Variants in CFAP299 observed in about 807,000 individuals in gnomAD.
CFAP299 encodes the protein cilia- and flagella-associated protein 299.
CFAP299 carries 21 observed loss-of-function variants against 27.0 expected under a neutral mutation model. That is an observed-to-expected ratio of 0.78 (90% CI 0.55 to 1.12). The LOEUF (loss-of-function observed/expected upper bound fraction) is 1.12. Among genes scored for constraint, CFAP299 ranks in the 50% most tolerant of loss-of-function variants. The probability of loss-of-function intolerance (pLI) is 0.00; values close to 1 mark genes in which losing one functional copy is unlikely to be tolerated. For synonymous variants in CFAP299, 104 were observed against 98.1 expected (o/e 1.06, Z -0.36); for missense variants, 310 against 276.6 (o/e 1.12, Z -0.86).
intron 3 of CFAP299, among the ~76,000 whole-genome samples, chr4:80,706,980 A>G (rs561608798): frequency 1.3e-5 from 2 of 152,074 alleles, no homozygotes; most frequent in East Asian, 3.9e-4. Context: ...CACAATAGGG[A>G]ACACTGCCTC....
intron 3 of CFAP299, among the ~76,000 whole-genome samples, chr4:80,794,570 A>C (rs1231076547): frequency 6.6e-6 from 1 of 152,170 alleles, no homozygotes; most frequent in Non-Finnish European, 1.5e-5. Context: ...CAGCTGCTTC[A>C]GGATGATGGG....
At chr4:80,577,913 C>T (rs1248913961) in intron 2 of CFAP299, among the ~76,000 whole-genome samples, 1 of 152,024 alleles carries the variant, frequency 6.6e-6, no homozygotes, top group Non-Finnish European at 1.5e-5. Context: ...GAGTGTTAAG[C>T]TAATAATGTC....
chr4:80,707,446 A>G (rs73829106), intron 3 of CFAP299, among the ~76,000 whole-genome samples: 7,044 of 152,072 alleles, frequency 0.046, 573 homozygotes, highest in African/African-American at 0.16. Context: ...TGACAATGTT[A>G]AGAAACCACC....
At chr4:80,624,757 T>G (rs538044898) in intron 3 of CFAP299, among the ~76,000 whole-genome samples, 3 of 152,106 alleles carry the variant, frequency 2.0e-5, no homozygotes, top group African/African-American at 7.2e-5. Context: ...GAAAATTATG[T>G]ATAAAAATGT....
chr4:80,899,309 A>G (rs555001882), intron 4 of CFAP299, among the ~76,000 whole-genome samples: 10 of 152,352 alleles, frequency 6.6e-5, no homozygotes, highest in African/African-American at 2.4e-4. Flanking sequence ...TGTAGATACA[A>G]GCCTGAAAGT....
chr4:80,360,838 C>A (rs989539324), intron 1 of CFAP299, among the ~76,000 whole-genome samples: 2 of 152,152 alleles, frequency 1.3e-5, no homozygotes, highest in Non-Finnish European at 2.9e-5. Flanking sequence ...TGTTTGAGAC[C>A]TGCCAAGCCT....
intron 2 of CFAP299, among the ~76,000 whole-genome samples, chr4:80,403,555 C>T (rs1726266648): frequency 6.6e-6 from 1 of 152,138 alleles, no homozygotes; most frequent in Non-Finnish European, 1.5e-5. Context: ...GCTCTTCTGT[C>T]TGATCCATCA....
At chr4:80,344,866 T>C (rs1376241293) in intron 1 of CFAP299, among the ~76,000 whole-genome samples, 1 of 152,164 alleles carries the variant, frequency 6.6e-6, no homozygotes, top group African/African-American at 2.4e-5. Flanking sequence ...TAATTCATCA[T>C]ATAAACATAA....
intron 1 of CFAP299, among the ~76,000 whole-genome samples, chr4:80,341,040 T>A (rs1463253038): frequency 6.6e-6 from 1 of 152,222 alleles, no homozygotes; most frequent in Non-Finnish European, 1.5e-5. Flanking sequence ...CCTCCCAAAG[T>A]GCCAGGATTA....
chr4:80,633,521 C>T (rs532194016), intron 3 of CFAP299, among the ~76,000 whole-genome samples: 1 of 152,194 alleles, frequency 6.6e-6, no homozygotes, highest in African/African-American at 2.4e-5. Flanking sequence ...AACTTAAAAT[C>T]ACCATGGCAA....
chr4:80,784,751 G>A (rs116735281), intron 3 of CFAP299, among the ~76,000 whole-genome samples: 3,042 of 151,990 alleles, frequency 0.02, 77 homozygotes, highest in South Asian at 0.059. Context: ...TCCAACTCCC[G>A]ACCTCAGATG....
chr4:80,579,549 AAG>A (rs1736062818), intron 2 of CFAP299, among the ~76,000 whole-genome samples: 1 of 152,130 alleles, frequency 6.6e-6, no homozygotes, highest in South Asian at 2.1e-4. Context: ...GGCCATTAGC[AAG>A]AGAGTCACGC....
intron 3 of CFAP299, among the ~76,000 whole-genome samples, chr4:80,857,339 T>G (rs1731977591): frequency 6.6e-6 from 1 of 152,206 alleles, no homozygotes; most frequent in Admixed American, 6.5e-5. Flanking sequence ...TTTACAATCA[T>G]GTCATCTGCA....
At chr4:80,721,920 T>C (rs2110046285) in intron 3 of CFAP299, among the ~76,000 whole-genome samples, 1 of 152,212 alleles carries the variant, frequency 6.6e-6, no homozygotes, top group Middle Eastern at 3.4e-3. Context: ...TTAAAATACT[T>C]CAGCATACCT....
chr4:80,480,858 A>C (rs1730528920), intron 2 of CFAP299, among the ~76,000 whole-genome samples: 2 of 152,170 alleles, frequency 1.3e-5, no homozygotes, highest in South Asian at 4.1e-4. Flanking sequence ...TTTGCCCATA[A>C]AATATTTTTA....
At chr4:80,343,708 G>T (rs1363276891) in intron 1 of CFAP299, among the ~76,000 whole-genome samples, 1 of 147,204 alleles carries the variant, frequency 6.8e-6, no homozygotes, top group East Asian at 2.1e-4. Flanking sequence ...AGAATGGCGT[G>T]AACCCGGGAA....
At chr4:80,430,525 A>G (rs933532862) in intron 2 of CFAP299, among the ~76,000 whole-genome samples, 7 of 152,204 alleles carry the variant, frequency 4.6e-5, no homozygotes, top group Admixed American at 1.3e-4. Flanking sequence ...TTCATTGCAT[A>G]TTTGACTTAG....
intron 3 of CFAP299, among the ~76,000 whole-genome samples, chr4:80,823,789 G>T (rs1405060626): frequency 6.6e-6 from 1 of 151,982 alleles, no homozygotes; most frequent in Non-Finnish European, 1.5e-5. Flanking sequence ...CTAGATAAGG[G>T]TACTAAGGTT....
chr4:80,834,485 T>G (rs764118977), intron 3 of CFAP299, among the ~76,000 whole-genome samples: 15 of 152,218 alleles, frequency 9.9e-5, no homozygotes, highest in Non-Finnish European at 1.8e-4. Context: ...CATAGTGTTA[T>G]GAAAGCTCTG....
Sources: allele counts gnomAD v4.1 joint callset (sites outside exome capture counted in the v4.1 genomes callset), GRCh38; gene constraint gnomAD v4.1.1; transcripts MANE v1.5; gene names NCBI Gene and HGNC (gene_info 2026-07-23, HGNC 2026-07-21).